Variants in DCT observed in about 807,000 individuals in gnomAD.
The protein encoded by DCT is L-dopachrome tautomerase.
DCT carries 47 observed loss-of-function variants against 53.0 expected under a neutral mutation model. The ratio of observed to expected loss-of-function variants is 0.89; its 90% CI spans 0.70 to 1.13. The LOEUF is 1.13. DCT is among the 50% of genes most tolerant of loss of function. The probability of loss-of-function intolerance (pLI) is 0.00; values close to 1 mark genes in which losing one functional copy is unlikely to be tolerated. For missense variants in DCT, 669 were observed against 637.4 expected, an observed-to-expected ratio of 1.05 and a Z score of -0.53; for synonymous variants, 244 against 237.0, an observed-to-expected ratio of 1.03 and a Z score of -0.27.
At chr13:94,440,674 T>TG (rs1432808360) in intron 7 of DCT, among the ~76,000 whole-genome samples, 1 of 130,190 alleles carries the variant, frequency 7.7e-6, no homozygotes, top group Non-Finnish European at 1.6e-5. Flanking sequence ...TTTCATTTTT[T>TG]GGTTTTTTTT....
At chr13:94,486,227 AC>A in the DCT span, among the ~76,000 whole-genome samples, 10 of 152,204 alleles carry the variant, frequency 6.6e-5, no homozygotes, top group Non-Finnish European at 1.5e-4. Flanking sequence ...ATGGAAACTT[AC>A]AATCTCTTAT....
In DCT at chr13:94,465,737, C is replaced by T; in HGVS notation, c.759G>A (p.Glu253=). The T allele has an allele frequency of 6.2e-7, 1 of 1,613,088 alleles. No individual in the cohort carries two copies. Among genetic ancestry groups the T allele is most frequent in the East Asian group, 2.2e-5 (1 of 44,728 alleles). Residue 253 remains glutamate, a synonymous_variant, in exon 4 of 8, where the codon GAG becomes GAA. Transcript: ENST00000377028. ...ACAGCTGGTCTGTACACACATCACACTCGTTCCTCCCAGTGGCAAAGTTCC... is the reference window on the plus strand; with the variant it reads ...ACAGCTGGTCTGTACACACATCACATTCGTTCCTCCCAGTGGCAAAGTTCC... ...PYWNFATGRN[E]CDVCTDQLFG... is the part of the protein sequence containing the mutation.
At chr13:94,504,885 G>A in the DCT span, among the ~76,000 whole-genome samples, 2 of 151,932 alleles carry the variant, frequency 1.3e-5, no homozygotes, top group Non-Finnish European at 2.9e-5. Flanking sequence ...TGTATCCAAG[G>A]CACCTTCTGC....
At chr13:94,451,861 G>A (rs1883115336) in intron 6 of DCT, among the ~76,000 whole-genome samples, 1 of 151,770 alleles carries the variant, frequency 6.6e-6, no homozygotes, top group Non-Finnish European at 1.5e-5. Flanking sequence ...GTTGTATTTT[G>A]TTACTCACAC....
chr13:94,466,442 C>G (rs1449178324), intron 3 of DCT, 116 bp downstream of exon 3: 3 of 596,088 alleles, frequency 5.0e-6, no homozygotes, highest in Non-Finnish European at 8.7e-6. Flanking sequence ...GTGCACTAAT[C>G]ACTTATCTTG....
the DCT span, among the ~76,000 whole-genome samples, chr13:94,530,426 A>G: frequency 6.6e-6 from 1 of 152,210 alleles, no homozygotes; most frequent in Admixed American, 6.5e-5. Flanking sequence ...CAGCCCATCA[A>G]AAAGTTTATC....
upstream of DCT, among the ~76,000 whole-genome samples, chr13:94,484,560 C>G (rs1181368905): frequency 2.0e-5 from 3 of 152,184 alleles, no homozygotes; most frequent in Admixed American, 2.0e-4. Context: ...TACTTTCCCA[C>G]AGTTCCAGAG....
Position 94,468,952 on chromosome 13 carries a change from A to T in DCT, c.389T>A (p.Ile130Asn). 6.2e-7 allele frequency: 1 copy of T among 1,614,054 alleles called. No homozygotes were observed. The highest frequency in any genetic ancestry group is 8.5e-7 in the Non-Finnish European group (1 of 1,179,960). ...TCTTTCCTGAGGACTCAAGGAATGGATGTTCTGCCGAATCACTGGTGGTTT... is the reference window on the plus strand; with the variant it reads ...TCTTTCCTGAGGACTCAAGGAATGGTTGTTCTGCCGAATCACTGGTGGTTT... ...RKKPPVIRQN[I>N]HSLSPQEREQ... The change falls in exon 2 of 8, where the codon ATC becomes AAC. Residue 130 changes from isoleucine (I) to asparagine (N), a missense_variant. Coordinates refer to ENST00000377028, the MANE Select transcript of DCT (RefSeq NM_001922.5).
chr13:94,477,027 CTAGA>C lies in DCT; in HGVS notation c.295+1930_295+1933del, dbSNP rs1051885033. Among the ~76,000 whole-genome samples the C allele has an allele frequency of 5.9e-5, 9 of 152,218 alleles. 1 individual carries two copies. Among genetic ancestry groups the C allele is most frequent in the East Asian group, 1.9e-4 (1 of 5,180 alleles). ...TTAATACCCAGGGCAAAACCAGGAC[CTAGA>C]TATTCTTCTGAATGACAGAATTAAA... On this transcript the variant is annotated intron_variant, in intron 1 of 7. Transcript: ENST00000377028.
chr13:94,468,260 A>G (rs1884363119), intron 2 of DCT: 1 of 160,080 alleles, frequency 6.2e-6, no homozygotes, highest in Admixed American at 5.8e-5. Flanking sequence ...AAATCCATCC[A>G]AAGTTGATCT....
the DCT span, among the ~76,000 whole-genome samples, chr13:94,488,923 T>TATAGCATAAAC: frequency 6.6e-6 from 1 of 151,796 alleles, no homozygotes; most frequent in Non-Finnish European, 1.5e-5. Flanking sequence ...ACATAAGGTA[T>TATAGCATAAAC]ATAGCTATGA....
chr13:94,506,625 T>C, the DCT span, among the ~76,000 whole-genome samples: 1 of 152,162 alleles, frequency 6.6e-6, no homozygotes, highest in African/African-American at 2.4e-5. Context: ...AAAGTAACTA[T>C]TAGACAAATT....
At chr13:94,527,115 A>C in the DCT span, among the ~76,000 whole-genome samples, 1 of 152,206 alleles carries the variant, frequency 6.6e-6, no homozygotes, top group Non-Finnish European at 1.5e-5. Flanking sequence ...AGTGTAAACA[A>C]AGAGGCCAGG....
At chr13:94,459,389 C>T (rs1327804706) in intron 6 of DCT, among the ~76,000 whole-genome samples, 1 of 152,078 alleles carries the variant, frequency 6.6e-6, no homozygotes, top group Non-Finnish European at 1.5e-5. Context: ...TCGGTGAAGG[C>T]ATTTGTCATT....
chr13:94,540,112 T>TAA, the DCT span, among the ~76,000 whole-genome samples: 6 of 147,398 alleles, frequency 4.1e-5, no homozygotes, highest in African/African-American at 1.5e-4. Context: ...TTATCAATTC[T>TAA]AAAAAAAAAA....
chr13:94,459,606 G>A (rs150727650), intron 6 of DCT, among the ~76,000 whole-genome samples: 108 of 152,250 alleles, frequency 7.1e-4, no homozygotes, highest in African/African-American at 2.5e-3. Context: ...ATTTCACCAG[G>A]CCAGCTCTTG....
the DCT span, among the ~76,000 whole-genome samples, chr13:94,514,498 G>T: frequency 1.3e-5 from 2 of 152,200 alleles, no homozygotes; most frequent in African/African-American, 2.4e-5. Context: ...TCACTGGAAG[G>T]TTCTGAGTGT....
At chr13:94,504,686 TG>T in the DCT span, among the ~76,000 whole-genome samples, 4 of 152,146 alleles carry the variant, frequency 2.6e-5, no homozygotes, top group Admixed American at 2.6e-4. Context: ...GTTTTTGATC[TG>T]GGGGGATACT....
chr13:94,441,187 A>G (rs1392021264), intron 7 of DCT, among the ~76,000 whole-genome samples: 1 of 152,022 alleles, frequency 6.6e-6, no homozygotes, highest in Non-Finnish European at 1.5e-5. Flanking sequence ...GAGGGTTTTG[A>G]TCTGTCTCCT....
Sources: allele counts gnomAD v4.1 joint callset (sites outside exome capture counted in the v4.1 genomes callset), GRCh38; gene constraint gnomAD v4.1.1; transcripts MANE v1.5; gene names NCBI Gene and HGNC (gene_info 2026-07-23, HGNC 2026-07-21).